The following LRRC43 variants were observed in gnomAD, a reference collection of about 807,000 sequenced individuals.
LRRC43 encodes leucine rich repeat containing 43, also known as leucine-rich repeat-containing protein 43.
Under a neutral mutation model 64.3 loss-of-function variants are expected in LRRC43, and 62 were observed. The observed-to-expected ratio is 0.96, with a 90% confidence interval of 0.79 to 1.19. The LOEUF is 1.19. Ranked by LOEUF, LRRC43 falls within the 50% of genes most tolerant of loss-of-function variation. The probability of loss-of-function intolerance (pLI) is 0.00; values close to 1 mark genes in which losing one functional copy is unlikely to be tolerated. For missense variants in LRRC43, 868 were observed against 845.0 expected (o/e 1.03, Z -0.34); for synonymous variants, 422 against 382.3 (o/e 1.10, Z -1.21).
At chr12:122,190,389 G>A in intron 5 of LRRC43, 21 bp downstream of exon 5, 4 of 1,589,392 alleles carry the variant, frequency 2.5e-6, no homozygotes, top group Non-Finnish European at 3.4e-6. Context: ...TGGCATGCAG[G>A]GAGGGGGTGG....
chr12:122,196,530 G>A (rs948531177), intron 7 of LRRC43, among the ~76,000 whole-genome samples: 4 of 152,200 alleles, frequency 2.6e-5, no homozygotes, highest in African/African-American at 9.6e-5. Flanking sequence ...CAGTTTGGGA[G>A]GCCGAGGCAG....
At chr12:122,201,240 T>C in intron 10 of LRRC43, 56 bp from the exon 11 acceptor site, 1 of 1,587,870 alleles carries the variant, frequency 6.3e-7, no homozygotes, top group Non-Finnish European at 8.6e-7. Context: ...GAGACACCCC[T>C]TCTCTAGTAC....
At chr12:122,173,369 T>G (rs80350322) in intron 1 of LRRC43, among the ~76,000 whole-genome samples, 5 of 152,142 alleles carry the variant, frequency 3.3e-5, no homozygotes, top group East Asian at 1.9e-4. Context: ...GTTTCCAAGT[T>G]TGGGCATTTG....
chr12:122,188,714 T>G (rs1953677006), intron 4 of LRRC43, among the ~76,000 whole-genome samples: 1 of 152,192 alleles, frequency 6.6e-6, no homozygotes, highest in Non-Finnish European at 1.5e-5. Flanking sequence ...GTGCTGGGAT[T>G]ACAGGCGTGA....
At chr12:122,192,339 T>C (rs987928119) in intron 6 of LRRC43, among the ~76,000 whole-genome samples, 1 of 152,008 alleles carries the variant, frequency 6.6e-6, no homozygotes, top group South Asian at 2.1e-4. Flanking sequence ...GGTTTCACCA[T>C]GTTAGCCAGG....
chr12:122,172,721 CA>C, intron 1 of LRRC43: 1 of 1,611,936 alleles, frequency 6.2e-7, no homozygotes. Flanking sequence ...GGGACACGAG[CA>C]CGCCCTTCTC....
intron 3 of LRRC43, chr12:122,187,471 C>G (rs1375031098): frequency 1.0e-5 from 5 of 485,922 alleles, no homozygotes; most frequent in African/African-American, 1.9e-5. Flanking sequence ...CATCACCCCC[C>G]ATTCCAGATG....
chr12:122,169,466 A>G (rs1953465866), intron 1 of LRRC43, among the ~76,000 whole-genome samples: 1 of 152,120 alleles, frequency 6.6e-6, no homozygotes, highest in African/African-American at 2.4e-5. Context: ...CTGTAATTCC[A>G]GCACTTTGGG....
Position 122,200,900 on chromosome 12 carries a change from G to C in LRRC43, c.1775G>C (p.Arg592Pro). Residue 592 changes from arginine to proline, a missense_variant, in exon 10 of 12, where the codon CGC becomes CCC. Coordinates refer to ENST00000339777, the MANE Select transcript of LRRC43 (RefSeq NM_001098519.2). This position sits in a 1 kb window ranked among gnomAD's most constrained non-coding sequence, Gnocchi z 4.6. The stretch of plus-strand genomic sequence containing the variant: ...ACCGTGTGCAACTTCGGCGTGGTCC[G>C]CACATTGACATCTGACAGGCTGACG... ...VSTVCNFGVV[R>P]TLTSDRLTLA... 6.2e-7 allele frequency: 1 copy of C among 1,609,972 alleles called. No homozygotes were observed. The highest frequency in any genetic ancestry group is 8.5e-7 in the Non-Finnish European group (1 of 1,178,438).
chr12:122,193,072 C>T lies in LRRC43; in HGVS notation c.1349+68C>T. ...AGGGTCACGAGCCTAGACCACACTGCGACCTTCCATTAAAAGTCCTGAGGC... is the reference window on the plus strand; with the variant it reads ...AGGGTCACGAGCCTAGACCACACTGTGACCTTCCATTAAAAGTCCTGAGGC... On this transcript the variant is annotated intron_variant, in intron 7 of 11. Transcript: ENST00000339777. 3.3e-6 allele frequency: 5 copies of T among 1,523,080 alleles called. No homozygotes were observed. In the South Asian group the frequency reaches 4.8e-5, roughly 15 times the overall value. The allele number at this position is 1,523,080 out of a possible 1,614,324, so 94.3% of individuals were successfully genotyped here.
At position 122,174,573 on chromosome 12, in the gene LRRC43, C is replaced by T. The variant is rs571450983; in HGVS notation, c.-406+6791C>T. 7.9e-5 allele frequency among the ~76,000 whole-genome samples: 12 copies of T among 152,304 alleles called. No homozygotes were observed. The East Asian group carries it at 1.2e-3, about 15-fold the overall frequency. ...GTGACTTCCAGGAGTTCAAGGCCAG[C>T]GGCCACAGGGAATTTCTGGGGAGGA... On this transcript the variant is annotated intron_variant, in intron 1 of 5. Coordinates refer to the LRRC43 transcript ENST00000537729.
intron 4 of LRRC43, chr12:122,189,556 C>T (rs1052024585): frequency 1.8e-5 from 8 of 454,322 alleles, no homozygotes; most frequent in African/African-American, 1.6e-4. Flanking sequence ...CTTGGTCTGG[C>T]CACAGGCCTT....
chr12:122,168,176 C>T (rs984584007), intron 1 of LRRC43, among the ~76,000 whole-genome samples: 38 of 149,526 alleles, frequency 2.5e-4, no homozygotes, highest in African/African-American at 9.3e-4. Flanking sequence ...TGTGGTGGCT[C>T]ACGCCTGTAA....
intron 1 of LRRC43, among the ~76,000 whole-genome samples, chr12:122,174,565 A>T (rs139898079): frequency 1.3e-5 from 2 of 152,226 alleles, no homozygotes; most frequent in African/African-American, 4.8e-5. Flanking sequence ...CCAGGAGTTC[A>T]AGGCCAGCGG....
intron 1 of LRRC43, chr12:122,173,709 C>A (rs1159498831): frequency 1.4e-6 from 1 of 720,240 alleles, no homozygotes; most frequent in Non-Finnish European, 2.3e-6. Flanking sequence ...GCCATCTTTG[C>A]CTGTCTAGTT....
intron 7 of LRRC43, among the ~76,000 whole-genome samples, chr12:122,193,234 AG>A (rs1396376255): frequency 2.0e-5 from 3 of 151,890 alleles, no homozygotes; most frequent in Admixed American, 6.6e-5. Context: ...CGAAAAAATT[AG>A]CCAGGCGTGG....
intron 11 of LRRC43, among the ~76,000 whole-genome samples, chr12:122,201,628 T>A (rs1306644638): frequency 2.0e-5 from 3 of 152,162 alleles, no homozygotes; most frequent in African/African-American, 7.2e-5. Context: ...GCCTCCAGCT[T>A]CAGGCCATCG....
chr12:122,169,800 TTTGTTGTTGTTTG>T (rs1160131599), intron 1 of LRRC43, among the ~76,000 whole-genome samples: 1 of 152,080 alleles, frequency 6.6e-6, no homozygotes, highest in Non-Finnish European at 1.5e-5. Context: ...AACCATTTAT[TTTGTTGTTGTTTG>T]TTGTTGTTGT....
At chr12:122,182,867 T>G (rs1447102110), upstream of LRRC43, 6 of 458,284 alleles carry the variant, frequency 1.3e-5, no homozygotes, top group Non-Finnish European at 2.3e-5. Flanking sequence ...TCTCCATCTG[T>G]CAGATGGGTA....
Sources: allele counts gnomAD v4.1 joint callset (sites outside exome capture counted in the v4.1 genomes callset), GRCh38; gene constraint gnomAD v4.1.1; non-coding constraint Gnocchi (gnomAD v3.1); transcripts MANE v1.5; gene names NCBI Gene and HGNC (gene_info 2026-07-23, HGNC 2026-07-21).